The following GNG4 variants were observed in gnomAD, a reference collection of about 807,000 sequenced individuals.
The protein encoded by GNG4 is G protein subunit gamma 4.
Under a neutral mutation model 5.8 loss-of-function variants are expected in GNG4, and 4 were observed. That is an observed-to-expected ratio of 0.69 (90% CI 0.34 to 1.57). GNG4 has a LOEUF of 1.57. Ranked by LOEUF, GNG4 falls within the 40% of genes most tolerant of loss-of-function variation. The pLI, the probability that GNG4 is intolerant of heterozygous loss-of-function variation, is 0.06. For synonymous variants in GNG4, 29 were observed against 32.9 expected (o/e 0.88, Z 0.41); for missense variants, 96 against 95.1 (o/e 1.01, Z -0.04).
At chr1:235,556,753 A>G (rs1407770307) in intron 3 of GNG4, among the ~76,000 whole-genome samples, 1 of 145,592 alleles carries the variant, frequency 6.9e-6, no homozygotes, top group Non-Finnish European at 1.5e-5. Flanking sequence ...TGTTATTATT[A>G]CATTGTAATA....
At chr1:235,597,588 C>CTGTGTGTGTGTGTGTGTG (rs386417904) in intron 1 of GNG4, among the ~76,000 whole-genome samples, 1 of 74,268 alleles carries the variant, frequency 1.3e-5, no homozygotes, top group Non-Finnish European at 2.6e-5. Flanking sequence ...AACTTGTTTG[C>CTGTGTGTGTGTGTGTGTG]TGTGTGTGTG....
intron 1 of GNG4, among the ~76,000 whole-genome samples, chr1:235,635,933 C>T (rs1390043976): frequency 6.6e-6 from 1 of 152,148 alleles, no homozygotes; most frequent in Non-Finnish European, 1.5e-5. Context: ...CTCTGAAGGC[C>T]CACCTTCCAC....
At chr1:235,603,233 G>A (rs898766089) in intron 1 of GNG4, among the ~76,000 whole-genome samples, 4 of 149,906 alleles carry the variant, frequency 2.7e-5, no homozygotes, top group Admixed American at 1.3e-4. Context: ...AACAGAGCAA[G>A]ACTCTATCTC....
intron 2 of GNG4, among the ~76,000 whole-genome samples, chr1:235,595,192 C>A (rs1198003425): frequency 6.6e-6 from 1 of 152,116 alleles, no homozygotes; most frequent in Non-Finnish European, 1.5e-5. Context: ...CAGGAGGTGG[C>A]AAAAGGTTTC....
intron 3 of GNG4, among the ~76,000 whole-genome samples, chr1:235,556,621 C>T (rs1456866474): frequency 1.3e-5 from 2 of 151,238 alleles, no homozygotes; most frequent in East Asian, 1.9e-4. Flanking sequence ...GTACTACAGC[C>T]GTCCCCAACG....
At chr1:235,623,484 G>A (rs1688749636) in intron 1 of GNG4, among the ~76,000 whole-genome samples, 1 of 152,184 alleles carries the variant, frequency 6.6e-6, no homozygotes, top group Non-Finnish European at 1.5e-5. Context: ...GCTCTTATGT[G>A]ATTCGTGAGT....
intron 2 of GNG4, among the ~76,000 whole-genome samples, chr1:235,592,576 A>AT (rs758703598): frequency 4.0e-5 from 6 of 151,752 alleles, no homozygotes; most frequent in African/African-American, 7.3e-5. Context: ...CAGAGCTAAC[A>AT]TTTTTTTTGC....
At chr1:235,645,797 C>CAAAA (rs6143682) in intron 1 of GNG4, among the ~76,000 whole-genome samples, 35 of 90,094 alleles carry the variant, frequency 3.9e-4, no homozygotes, top group Admixed American at 5.4e-4. Flanking sequence ...AACTCAGTCT[C>CAAAA]AAAAAAAAAA....
intron 1 of GNG4, among the ~76,000 whole-genome samples, chr1:235,645,837 A>G (rs1344623974): frequency 6.6e-6 from 1 of 150,394 alleles, no homozygotes; most frequent in Non-Finnish European, 1.5e-5. Flanking sequence ...GTTTAAAAAG[A>G]GTTAAAAATG....
upstream of GNG4, chr1:235,650,118 CG>C (rs1180805145): frequency 6.7e-6 from 1 of 149,970 alleles, no homozygotes; most frequent in Non-Finnish European, 1.5e-5. Flanking sequence ...CGCCCCAGCC[CG>C]GGCCCGCGCC....
intron 2 of GNG4, among the ~76,000 whole-genome samples, chr1:235,589,735 CTTGAG>C (rs1430025310): frequency 6.6e-6 from 1 of 152,186 alleles, no homozygotes; most frequent in Admixed American, 6.5e-5. Context: ...CTTTGGCCAC[CTTGAG>C]TTGTGTTTGC....
chr1:235,636,618 G>A (rs1368760167), intron 1 of GNG4, among the ~76,000 whole-genome samples: 1 of 152,180 alleles, frequency 6.6e-6, no homozygotes, highest in East Asian at 1.9e-4. Flanking sequence ...GCAATTGCCT[G>A]TGCCCTGAGA....
intron 3 of GNG4, among the ~76,000 whole-genome samples, chr1:235,554,561 C>T (rs966596799): frequency 4.6e-5 from 7 of 152,040 alleles, no homozygotes; most frequent in Non-Finnish European, 8.8e-5. Flanking sequence ...AAGAATGGCT[C>T]GGCTGGACGC....
intron 1 of GNG4, among the ~76,000 whole-genome samples, chr1:235,630,828 A>G (rs1409214098): frequency 6.6e-6 from 1 of 152,170 alleles, no homozygotes; most frequent in East Asian, 1.9e-4. Context: ...AGCAAACTAA[A>G]CCCAACTCAA....
intron 1 of GNG4, among the ~76,000 whole-genome samples, chr1:235,601,923 C>T (rs1035333933): frequency 6.6e-6 from 1 of 152,006 alleles, no homozygotes; most frequent in Non-Finnish European, 1.5e-5. Context: ...GCATCAATGT[C>T]CCCTGGGAAC....
At chr1:235,618,077 C>T (rs1688635008) in intron 1 of GNG4, among the ~76,000 whole-genome samples, 1 of 152,146 alleles carries the variant, frequency 6.6e-6, no homozygotes, top group African/African-American at 2.4e-5. Flanking sequence ...GCAGTTTATG[C>T]TCTGCTTAAA....
At position 235,603,225 on chromosome 1, in the gene GNG4, C is replaced by T. The variant is rs573098183; in HGVS notation, c.-122-7714G>A. Reference sequence around the variant, plus strand: ...GCCACTTGCACTCCAGCCTGGACAACAGAGCAAGACTCTATCTCAATAATG... The same window carrying T: ...GCCACTTGCACTCCAGCCTGGACAATAGAGCAAGACTCTATCTCAATAATG... On this transcript the variant is annotated intron_variant, in intron 1 of 3. Transcript: ENST00000391854. Among the ~76,000 whole-genome samples the T allele has an allele frequency of 1.7e-4, 25 of 151,282 alleles. 1 individual carries two copies. In the South Asian group the frequency reaches 4.8e-3, roughly 29 times the overall value.
intron 3 of GNG4, among the ~76,000 whole-genome samples, chr1:235,558,481 A>AGGTG (rs1686975534): frequency 6.6e-6 from 1 of 152,234 alleles, no homozygotes; most frequent in South Asian, 2.1e-4. Flanking sequence ...GACACATGAA[A>AGGTG]GGTGGCGTCC....
At chr1:235,594,575 C>T (rs1413838549) in intron 2 of GNG4, among the ~76,000 whole-genome samples, 1 of 152,164 alleles carries the variant, frequency 6.6e-6, no homozygotes, top group Non-Finnish European at 1.5e-5. Context: ...AGCCCTGCCC[C>T]GCAGGGAGGC....
Sources: allele counts gnomAD v4.1 joint callset (sites outside exome capture counted in the v4.1 genomes callset), GRCh38; gene constraint gnomAD v4.1.1; transcripts MANE v1.5; gene names NCBI Gene and HGNC (gene_info 2026-07-23, HGNC 2026-07-21).